TAFA1: variants seen among roughly 807,000 people sequenced by gnomAD.
TAFA1 encodes the protein chemokine-like protein TAFA-1.
TAFA1 carries 4 observed loss-of-function variants against 18.5 expected under a neutral mutation model. The observed-to-expected ratio is 0.22, with a 90% CI of 0.11 to 0.49. The LOEUF is 0.49. TAFA1 is among the 20% of genes least tolerant of loss of function. TAFA1 has a pLI of 0.98. For synonymous variants in TAFA1, 56 were observed against 55.2 expected (o/e 1.01, Z -0.06); for missense variants, 147 against 169.0 (o/e 0.87, Z 0.72).
At chr3:68,497,936 C>T (rs1511893) in intron 3 of TAFA1, among the ~76,000 whole-genome samples, 30,282 of 152,072 alleles carry the variant, frequency 0.2, 3,102 homozygotes, top group Middle Eastern at 0.23. Context: ...AAATTATCTC[C>T]ACCTGGTAAC....
chr3:68,389,621 C>G (rs1390575448), intron 2 of TAFA1, among the ~76,000 whole-genome samples: 1 of 152,118 alleles, frequency 6.6e-6, no homozygotes, highest in Non-Finnish European at 1.5e-5. Context: ...GCAACAACAG[C>G]AGAGAAGGCG....
chr3:68,394,272 C>G (rs2070329955), intron 2 of TAFA1, among the ~76,000 whole-genome samples: 1 of 152,092 alleles, frequency 6.6e-6, no homozygotes. Flanking sequence ...TCAGGGAGAA[C>G]TACAAACCAC....
At chr3:68,454,517 A>G (rs2071622793) in intron 3 of TAFA1, among the ~76,000 whole-genome samples, 1 of 152,172 alleles carries the variant, frequency 6.6e-6, no homozygotes, top group Non-Finnish European at 1.5e-5. Flanking sequence ...TAATAGAGGA[A>G]TCCCTTACCT....
intron 2 of TAFA1, among the ~76,000 whole-genome samples, chr3:68,405,885 C>G (rs1004581414): frequency 1.3e-5 from 2 of 151,958 alleles, no homozygotes; most frequent in Admixed American, 6.6e-5. Flanking sequence ...TCTACCCTTT[C>G]ATCCTCCTCC....
chr3:68,451,849 A>G (rs1209970192), intron 3 of TAFA1, among the ~76,000 whole-genome samples: 2 of 152,192 alleles, frequency 1.3e-5, no homozygotes, highest in East Asian at 3.9e-4. Context: ...GAGTTAGCTG[A>G]TACTAAAAGG....
rs1475173457 is a variant in TAFA1 at position 68,021,378 on chromosome 3, A to G, written c.118+14634A>G. 2.0e-5 allele frequency among the ~76,000 whole-genome samples: 3 copies of G among 152,260 alleles called. No individual in the cohort carries two copies. The East Asian group carries it at 5.8e-4, about 29-fold the overall frequency. On this transcript the variant is annotated intron_variant, in intron 2 of 4. Transcript: ENST00000478136. ...TATAATTGTGCTATAGTTCTATTAAAAGAGCTACTAGTCAGCTGAAATCTT... is the reference window on the plus strand; with the variant it reads ...TATAATTGTGCTATAGTTCTATTAAGAGAGCTACTAGTCAGCTGAAATCTT...
At chr3:68,428,509 T>C (rs1433240498) in intron 3 of TAFA1, among the ~76,000 whole-genome samples, 1 of 151,836 alleles carries the variant, frequency 6.6e-6, no homozygotes, top group African/African-American at 2.4e-5. Flanking sequence ...CCTGGGTTCC[T>C]AGATGGGTGG....
intron 3 of TAFA1, among the ~76,000 whole-genome samples, chr3:68,425,515 T>C (rs1193529845): frequency 6.6e-6 from 1 of 151,958 alleles, no homozygotes; most frequent in Non-Finnish European, 1.5e-5. Flanking sequence ...CTGAATCTTA[T>C]GCAAATCCTC....
At chr3:68,366,403 T>C (rs1251718893) in intron 2 of TAFA1, among the ~76,000 whole-genome samples, 1 of 152,228 alleles carries the variant, frequency 6.6e-6, no homozygotes, top group Non-Finnish European at 1.5e-5. Flanking sequence ...CAAGGATTCT[T>C]GTGTAAAGCA....
chr3:68,394,583 A>G (rs1362005257), intron 2 of TAFA1, among the ~76,000 whole-genome samples: 1 of 152,146 alleles, frequency 6.6e-6, no homozygotes, highest in East Asian at 1.9e-4. Context: ...CCAAAACAGC[A>G]TGGTACTGGT....
chr3:68,146,208 T>A (rs1485407031), intron 2 of TAFA1, among the ~76,000 whole-genome samples: 1 of 152,204 alleles, frequency 6.6e-6, no homozygotes, highest in East Asian at 1.9e-4. Flanking sequence ...ATGCAGATTC[T>A]GGTTGAGTGG....
intron 2 of TAFA1, among the ~76,000 whole-genome samples, chr3:68,032,953 C>A (rs1007440599): frequency 6.6e-6 from 1 of 152,140 alleles, no homozygotes; most frequent in Non-Finnish European, 1.5e-5. Context: ...CTCCCAATTC[C>A]TCATTCTCTT....
At chr3:68,145,032 C>A in intron 2 of TAFA1, 1 of 1,606,034 alleles carries the variant, frequency 6.2e-7, no homozygotes. Flanking sequence ...GCAGAAAGCG[C>A]CTTTAGTTTC....
At chr3:68,032,937 C>T (rs138335179) in intron 2 of TAFA1, among the ~76,000 whole-genome samples, 12 of 152,264 alleles carry the variant, frequency 7.9e-5, no homozygotes, top group East Asian at 5.8e-4. Flanking sequence ...TGTTTCTTCT[C>T]GTCACCTCCC....
chr3:68,256,594 G>T (rs750513019), intron 2 of TAFA1, among the ~76,000 whole-genome samples: 1 of 152,022 alleles, frequency 6.6e-6, no homozygotes, highest in Non-Finnish European at 1.5e-5. Context: ...ATTATTTTGG[G>T]GTTTCTTAAA....
chr3:68,397,785 G>A (rs1401898930), intron 2 of TAFA1, among the ~76,000 whole-genome samples: 2 of 152,164 alleles, frequency 1.3e-5, no homozygotes, highest in Non-Finnish European at 2.9e-5. Context: ...CACCAACAGC[G>A]TAAAAGTGTT....
chr3:68,108,960 A>AT (rs11425310), intron 2 of TAFA1, among the ~76,000 whole-genome samples: 53,519 of 151,514 alleles, frequency 0.35, 9,846 homozygotes, highest in East Asian at 0.49. Context: ...TATTCTACAC[A>AT]TTTTTTTTCA....
chr3:68,147,128 T>C (rs1329696525), intron 2 of TAFA1, among the ~76,000 whole-genome samples: 2 of 151,786 alleles, frequency 1.3e-5, no homozygotes, highest in African/African-American at 2.4e-5. Flanking sequence ...AGACTGCCTG[T>C]CCTAGAGCTA....
At chr3:68,265,759 G>A (rs2067529743) in intron 2 of TAFA1, among the ~76,000 whole-genome samples, 1 of 152,158 alleles carries the variant, frequency 6.6e-6, no homozygotes, top group African/African-American at 2.4e-5. Flanking sequence ...GTGAACTGTT[G>A]CGTACTGCAG....
Sources: gnomAD v4.1 joint callset for allele counts (sites outside exome capture counted in the v4.1 genomes callset) on GRCh38, gnomAD v4.1.1 for gene constraint, MANE v1.5 for transcripts, NCBI Gene and HGNC (gene_info 2026-07-23, HGNC 2026-07-21) for gene names.